PCOLCE2: variants seen among roughly 807,000 people sequenced by gnomAD.
PCOLCE2 encodes procollagen C-endopeptidase enhancer 2.
In PCOLCE2, 42 loss-of-function variants were observed where a neutral mutation model predicts 47.0. That is an observed-to-expected ratio of 0.89 (90% CI 0.70 to 1.16). PCOLCE2 has a LOEUF of 1.16. Ranked by LOEUF, PCOLCE2 falls within the 50% of genes most tolerant of loss-of-function variation. The pLI is 0.00. For synonymous variants in PCOLCE2, 169 were observed against 191.7 expected (o/e 0.88, Z 0.98); for missense variants, 500 against 526.1 (o/e 0.95, Z 0.49).
intron 2 of PCOLCE2, among the ~76,000 whole-genome samples, chr3:142,868,714 C>A (rs572099422): frequency 5.9e-5 from 9 of 152,266 alleles, no homozygotes; most frequent in African/African-American, 2.2e-4. Flanking sequence ...GCGGTCTAAC[C>A]CTAGCCAACA....
chr3:142,851,441 G>A (rs1461751269), intron 2 of PCOLCE2, among the ~76,000 whole-genome samples: 1 of 152,116 alleles, frequency 6.6e-6, no homozygotes, highest in Non-Finnish European at 1.5e-5. Context: ...CAGGAGAGAA[G>A]GACAAGAGAG....
chr3:142,841,897 G>T (rs564513494), intron 4 of PCOLCE2, among the ~76,000 whole-genome samples: 49 of 152,052 alleles, frequency 3.2e-4, no homozygotes, highest in Non-Finnish European at 6.6e-4. Context: ...ATCTTTAAAG[G>T]TCCACAAAGT....
At chr3:142,822,018 A>G (rs1190027882) in intron 7 of PCOLCE2, among the ~76,000 whole-genome samples, 5 of 152,084 alleles carry the variant, frequency 3.3e-5, no homozygotes, top group African/African-American at 1.2e-4. Context: ...CCCAGGTTCA[A>G]GCAATTCTCC....
intron 2 of PCOLCE2, among the ~76,000 whole-genome samples, chr3:142,854,505 A>C (rs2108200576): frequency 6.6e-6 from 1 of 152,362 alleles, no homozygotes; most frequent in Non-Finnish European, 1.5e-5. Flanking sequence ...GTATATTTCA[A>C]TACTACTCTT....
intron 2 of PCOLCE2, among the ~76,000 whole-genome samples, chr3:142,866,590 G>A (rs1933286998): frequency 6.6e-6 from 1 of 152,134 alleles, no homozygotes; most frequent in Non-Finnish European, 1.5e-5. Context: ...AACAAAAAAT[G>A]TTGAAAAATA....
At chr3:142,866,074 G>A (rs1933277153) in intron 2 of PCOLCE2, among the ~76,000 whole-genome samples, 1 of 152,166 alleles carries the variant, frequency 6.6e-6, no homozygotes, top group African/African-American at 2.4e-5. Flanking sequence ...TCAACTTACT[G>A]GGCTAAGGAA....
intron 2 of PCOLCE2, among the ~76,000 whole-genome samples, chr3:142,859,234 T>C (rs992386643): frequency 5.9e-5 from 9 of 151,952 alleles, no homozygotes; most frequent in African/African-American, 2.2e-4. Flanking sequence ...AGCTAATTTT[T>C]GTATTTTTAG....
chr3:142,825,714 T>C (rs190010282), intron 6 of PCOLCE2, among the ~76,000 whole-genome samples: 1 of 152,282 alleles, frequency 6.6e-6, no homozygotes, highest in African/African-American at 2.4e-5. Flanking sequence ...TGGCCTGTCT[T>C]TACTTCCTTA....
At chr3:142,845,765 A>G (rs1184591628) in intron 3 of PCOLCE2, among the ~76,000 whole-genome samples, 1 of 152,220 alleles carries the variant, frequency 6.6e-6, no homozygotes, top group Non-Finnish European at 1.5e-5. Flanking sequence ...ACCTGAGGTC[A>G]GGAGTTCGAA....
At chr3:142,818,491 A>T (rs752394128) in intron 8 of PCOLCE2, 26 bp from the exon 9 acceptor site, 3 of 1,572,198 alleles carry the variant, frequency 1.9e-6, no homozygotes. Flanking sequence ...ACAGAAATTA[A>T]TCTTTTTCTC....
rs562284427 is a variant in PCOLCE2 at position 142,882,226 on chromosome 3, G to C, written c.192+5443C>G. On this transcript the variant is annotated intron_variant, in intron 2 of 8. Transcript: ENST00000295992. ...AAAAAAAAAAAATTGCAGAGACAGG[G>C]TCTCTTTACGTTGTTCAGGCTGATC... Among the ~76,000 whole-genome samples, 11 of 152,162 alleles carry C rather than the reference G, an allele frequency of 7.2e-5. No homozygotes were observed. The South Asian group carries it at 2.1e-3, about 29-fold the overall frequency.
chr3:142,846,755 T>C (rs997761232), intron 3 of PCOLCE2: 2 of 152,184 alleles, frequency 1.3e-5, no homozygotes, highest in African/African-American at 2.4e-5. Context: ...GTGAGTACAA[T>C]AGGTAAATTT....
chr3:142,832,539 C>T (rs879612372), intron 5 of PCOLCE2, among the ~76,000 whole-genome samples: 20 of 152,128 alleles, frequency 1.3e-4, no homozygotes, highest in Non-Finnish European at 2.2e-4. Flanking sequence ...GACTCATCTT[C>T]GAGAGGCACA....
chr3:142,845,351 A>G (rs1937314449), intron 3 of PCOLCE2, among the ~76,000 whole-genome samples: 1 of 152,236 alleles, frequency 6.6e-6, no homozygotes, highest in Non-Finnish European at 1.5e-5. Context: ...TGTCAAACAT[A>G]TTACATCATA....
At chr3:142,837,504 A>C (rs1937217159) in intron 5 of PCOLCE2, among the ~76,000 whole-genome samples, 1 of 152,206 alleles carries the variant, frequency 6.6e-6, no homozygotes. Context: ...CAAATATGTC[A>C]ATGAAAAACC....
intron 2 of PCOLCE2, among the ~76,000 whole-genome samples, chr3:142,866,503 TAATA>T (rs1227568667): frequency 2.6e-5 from 4 of 152,108 alleles, no homozygotes; most frequent in Non-Finnish European, 4.4e-5. Flanking sequence ...AATCAATCAA[TAATA>T]AATAAATAAA....
At chr3:142,851,085 G>A (rs992683609) in intron 2 of PCOLCE2, among the ~76,000 whole-genome samples, 1 of 152,130 alleles carries the variant, frequency 6.6e-6, no homozygotes, top group Non-Finnish European at 1.5e-5. Flanking sequence ...GGTGGTGAAA[G>A]CATATATAGA....
chr3:142,846,675 T>G (rs1252138706), intron 3 of PCOLCE2: 1 of 152,230 alleles, frequency 6.6e-6, no homozygotes, highest in African/African-American at 2.4e-5. Flanking sequence ...TTTTTCCTCC[T>G]TTTTCTTCAG....
At chr3:142,884,063 T>C (rs928017792) in intron 2 of PCOLCE2, among the ~76,000 whole-genome samples, 3 of 152,212 alleles carry the variant, frequency 2.0e-5, no homozygotes, top group African/African-American at 4.8e-5. Context: ...CCTGCCTATG[T>C]TGCAGTGAAA....
Sources: allele counts gnomAD v4.1 joint callset (sites outside exome capture counted in the v4.1 genomes callset), GRCh38; gene constraint gnomAD v4.1.1; transcripts MANE v1.5; gene names NCBI Gene and HGNC (gene_info 2026-07-23, HGNC 2026-07-21).